Variants in NAALADL2 observed in about 807,000 individuals in gnomAD.
The protein encoded by NAALADL2 is inactive N-acetylated-alpha-linked acidic dipeptidase-like protein 2.
NAALADL2 carries 76 observed loss-of-function variants against 87.2 expected under a neutral mutation model. The observed-to-expected ratio is 0.87, with a 90% CI of 0.72 to 1.05. The LOEUF (loss-of-function observed/expected upper bound fraction) is 1.05. NAALADL2 is among the 50% of genes least tolerant of loss of function. The pLI, the probability that NAALADL2 is intolerant of heterozygous loss-of-function variation, is 0.00. For synonymous variants in NAALADL2, 354 were observed against 331.0 expected (o/e 1.07, Z -0.75); for missense variants, 1,089 against 945.8 (o/e 1.15, Z -1.99).
intron 9 of NAALADL2, among the ~76,000 whole-genome samples, chr3:175,518,273 A>T (rs1175243134): frequency 1.3e-5 from 2 of 152,212 alleles, no homozygotes; most frequent in East Asian, 3.9e-4. Flanking sequence ...CTGTATCAGT[A>T]GGAACTGCAT....
chr3:175,487,644 C>T (rs1041908228), intron 9 of NAALADL2: 52 of 398,294 alleles, frequency 1.3e-4, no homozygotes, highest in Admixed American at 1.0e-3. Flanking sequence ...AAATATTTTG[C>T]CCCTTTCTGG....
At chr3:174,913,714 C>A (rs1734007054) in intron 1 of NAALADL2, among the ~76,000 whole-genome samples, 1 of 152,170 alleles carries the variant, frequency 6.6e-6, no homozygotes, top group African/African-American at 2.4e-5. Context: ...CTGTAATGGG[C>A]ACTCAATAAA....
intron 2 of NAALADL2, among the ~76,000 whole-genome samples, chr3:175,139,854 C>G (rs1341761876): frequency 1.3e-5 from 2 of 152,096 alleles, no homozygotes; most frequent in Non-Finnish European, 2.9e-5. Flanking sequence ...ACACGCAACT[C>G]TAACAAAGGG....
At chr3:175,264,997 G>A (rs1751687086) in intron 4 of NAALADL2, among the ~76,000 whole-genome samples, 1 of 151,520 alleles carries the variant, frequency 6.6e-6, no homozygotes, top group Admixed American at 6.6e-5. Flanking sequence ...TATAATACAT[G>A]TAAGTACTCA....
At chr3:175,419,478 C>T (rs972959765) in intron 5 of NAALADL2, among the ~76,000 whole-genome samples, 2 of 151,870 alleles carry the variant, frequency 1.3e-5, no homozygotes, top group African/African-American at 2.4e-5. Context: ...TACTAGAAAT[C>T]CTGCATTGGA....
At chr3:175,113,014 T>C (rs1405118643) in intron 2 of NAALADL2, among the ~76,000 whole-genome samples, 4 of 151,632 alleles carry the variant, frequency 2.6e-5, no homozygotes, top group African/African-American at 9.7e-5. Flanking sequence ...AGGGTTGTTG[T>C]GAGTGTGCCT....
intron 13 of NAALADL2, among the ~76,000 whole-genome samples, chr3:175,761,315 A>G (rs1747975114): frequency 6.6e-6 from 1 of 152,130 alleles, no homozygotes; most frequent in Non-Finnish European, 1.5e-5. Context: ...ACAGTATGCA[A>G]CCTTGTTGGA....
intron 1 of NAALADL2, among the ~76,000 whole-genome samples, chr3:174,899,585 C>G (rs1732057072): frequency 6.6e-6 from 1 of 152,172 alleles, no homozygotes; most frequent in Non-Finnish European, 1.5e-5. Context: ...TGTAAGTTTC[C>G]TGAGGGCCCC....
chr3:174,835,777 G>T (rs1455500933), intron 3 of NAALADL2, among the ~76,000 whole-genome samples: 2 of 152,072 alleles, frequency 1.3e-5, no homozygotes, highest in Non-Finnish European at 2.9e-5. Flanking sequence ...AATAATTAGG[G>T]AAATCCAAAT....
At chr3:175,795,514 A>G (rs1481397165) in intron 13 of NAALADL2, among the ~76,000 whole-genome samples, 2 of 126,868 alleles carry the variant, frequency 1.6e-5, no homozygotes, top group African/African-American at 8.6e-5. Flanking sequence ...TCTACTAAAA[A>G]ATACAAAAAA....
intron 11 of NAALADL2, among the ~76,000 whole-genome samples, chr3:175,686,385 G>A (rs1211140698): frequency 6.6e-6 from 1 of 152,106 alleles, no homozygotes; most frequent in African/African-American, 2.4e-5. Context: ...GACTTCAGAA[G>A]TGTCTTTTTC....
Position 175,236,469 on chromosome 3 carries a change from A to G in NAALADL2, c.819+2265A>G, listed in dbSNP as rs544876682. 5.3e-5 allele frequency among the ~76,000 whole-genome samples: 8 copies of G among 149,928 alleles called. No homozygotes were observed. The East Asian group carries it at 1.4e-3, about 27-fold the overall frequency. The stretch of plus-strand genomic sequence containing the variant: ...GAGGCTGAGGCAGGAGAATCACTGG[A>G]GCCCAGGAGGGGAGGTTGCAGTCAG... On this transcript the variant is annotated intron_variant, in intron 3 of 13. Transcript: ENST00000454872.
intron 2 of NAALADL2, among the ~76,000 whole-genome samples, chr3:175,117,848 A>G (rs1451439859): frequency 1.3e-5 from 2 of 152,140 alleles, no homozygotes; most frequent in Non-Finnish European, 2.9e-5. Flanking sequence ...CACAATAGCA[A>G]AGACTTGGAA....
intron 4 of NAALADL2, among the ~76,000 whole-genome samples, chr3:175,268,995 G>A (rs1207898538): frequency 6.6e-6 from 1 of 150,474 alleles, no homozygotes; most frequent in African/African-American, 2.5e-5. Context: ...CTGAAATGCA[G>A]TGGCATGATC....
At chr3:174,517,728 C>T (rs892263863) in intron 1 of NAALADL2, among the ~76,000 whole-genome samples, 5 of 151,992 alleles carry the variant, frequency 3.3e-5, no homozygotes, top group Non-Finnish European at 7.4e-5. Flanking sequence ...TGTGATTACT[C>T]CTACATTGAT....
chr3:174,886,709 A>T (rs932338127), intron 1 of NAALADL2, among the ~76,000 whole-genome samples: 2 of 152,192 alleles, frequency 1.3e-5, no homozygotes, highest in Non-Finnish European at 1.5e-5. Context: ...CCATGCATCT[A>T]TAAGCCTCTT....
chr3:174,882,981 A>G (rs116654522), intron 1 of NAALADL2, among the ~76,000 whole-genome samples: 56 of 151,932 alleles, frequency 3.7e-4, no homozygotes, highest in Non-Finnish European at 5.4e-4. Flanking sequence ...AGGTTTCGCA[A>G]TAGCCCGTCT....
intron 11 of NAALADL2, among the ~76,000 whole-genome samples, chr3:175,712,347 G>A (rs1000105107): frequency 6.6e-6 from 1 of 151,878 alleles, no homozygotes; most frequent in African/African-American, 2.4e-5. Flanking sequence ...CATGTAAAAG[G>A]GGTACACAAA....
intron 1 of NAALADL2, chr3:174,523,463 T>G (rs1002591455): frequency 2.0e-5 from 3 of 152,328 alleles, no homozygotes; most frequent in Admixed American, 6.5e-5. Flanking sequence ...AAAGCAGAGA[T>G]CAATGATGGT....
Sources: allele counts gnomAD v4.1 joint callset (sites outside exome capture counted in the v4.1 genomes callset), GRCh38; gene constraint gnomAD v4.1.1; transcripts MANE v1.5; gene names NCBI Gene and HGNC (gene_info 2026-07-23, HGNC 2026-07-21).